ZNF563: variants seen among roughly 807,000 people sequenced by gnomAD.
The protein encoded by ZNF563 is zinc finger protein 563.
In ZNF563, 39 loss-of-function variants were observed where a neutral mutation model predicts 48.5. The ratio of observed to expected loss-of-function variants is 0.80; its 90% CI spans 0.62 to 1.05. ZNF563 has a LOEUF of 1.05. Among genes scored for constraint, ZNF563 ranks in the 50% least tolerant of loss-of-function variants. The pLI is 0.00. For missense variants in ZNF563, 538 were observed against 597.0 expected (o/e 0.90, Z 1.03); for synonymous variants, 168 against 187.9 (o/e 0.89, Z 0.87).
At chr19:12,332,279 G>A (rs1036457644) in intron 1 of ZNF563, among the ~76,000 whole-genome samples, 1 of 151,744 alleles carries the variant, frequency 6.6e-6, no homozygotes, top group Non-Finnish European at 1.5e-5. Context: ...CTATCTTCAT[G>A]TGCAGAGAAT....
rs868091481 is a variant in ZNF563 at position 12,319,067 on chromosome 19, G to A, written c.958C>T (p.His320Tyr). The change falls in exon 4 of 4, where the codon CAT becomes TAT. Residue 320 changes from histidine (H) to tyrosine (Y), a missense_variant. By Grantham distance (83) the His-to-Tyr change is moderately conservative. Transcript: ENST00000293725. ...ECKQCGKTFH[H>Y]LGSFQIHMKR... Reference sequence around the variant, plus strand: ...ATGTGTATCTGAAAGCTTCCAAGATGATGAAATGTTTTCCCGCATTGCTTA... The same window carrying A: ...ATGTGTATCTGAAAGCTTCCAAGATAATGAAATGTTTTCCCGCATTGCTTA... The A allele has an allele frequency of 5.0e-6, 8 of 1,614,128 alleles. No individual in the cohort carries two copies. The highest frequency in any genetic ancestry group is 1.7e-5 in the Admixed American group (1 of 60,006).
At chr19:12,319,894 G>T in intron 3 of ZNF563, 61 bp from the exon 4 acceptor site, 5 of 1,431,456 alleles carry the variant, frequency 3.5e-6, no homozygotes, top group South Asian at 1.4e-5. Context: ...TTATTTATGT[G>T]TATTAATAGG....
At chr19:12,345,790 T>C in the ZNF563 span, among the ~76,000 whole-genome samples, 1 of 152,034 alleles carries the variant, frequency 6.6e-6, no homozygotes, top group African/African-American at 2.4e-5. Flanking sequence ...TGGGTGCCTA[T>C]AATCCCAGCT....
chr19:12,322,818 C>T, intron 1 of ZNF563, 107 bp from the exon 2 acceptor site: 1 of 1,222,194 alleles, frequency 8.2e-7, no homozygotes. Flanking sequence ...AGCATTTATT[C>T]AATGATGTAG....
rs1403353788 is a variant in ZNF563, at chr19:12,318,556, G to A, written c.*38C>T. ...TGTAAGTTTATTCATGATATCAAAGGGAACTGGAAATATAGAAGGCTTTAT... is the reference window on the plus strand; with the variant it reads ...TGTAAGTTTATTCATGATATCAAAGAGAACTGGAAATATAGAAGGCTTTAT... On this transcript the variant is annotated 3_prime_UTR_variant, in exon 4 of 4. Transcript: ENST00000293725. The A allele has an allele frequency of 3.8e-6, 6 of 1,569,890 alleles. No individual in the cohort carries two copies. The highest frequency in any genetic ancestry group is 1.4e-5 in the African/African-American group (1 of 73,224).
rs780711852 is a variant in ZNF563 at position 12,319,707 on chromosome 19, A to G, written c.318T>C (p.Ala106=). The G allele has an allele frequency of 1.2e-6, 2 of 1,614,154 alleles. No individual in the cohort carries two copies. Among genetic ancestry groups the G allele is most frequent in the Non-Finnish European group, 1.7e-6 (2 of 1,180,032 alleles). Residue 106 remains alanine (A), a synonymous_variant, in exon 4 of 4, where the codon GCT becomes GCC. Coordinates refer to ENST00000293725, the MANE Select transcript of ZNF563 (RefSeq NM_145276.3). ...GACCCATTATGACTTCTTCACACTCAGCGCTTTGACATGGATCTTCTCCAG... is the reference window on the plus strand; with the variant it reads ...GACCCATTATGACTTCTTCACACTCGGCGCTTTGACATGGATCTTCTCCAG... ...ICPGEDPCQS[A]ECEEVIMGHL... is the part of the protein sequence containing the mutation.
At chr19:12,336,409 G>A (rs1183121040), upstream of ZNF563, among the ~76,000 whole-genome samples, 1 of 151,932 alleles carries the variant, frequency 6.6e-6, no homozygotes, top group East Asian at 1.9e-4. Context: ...TGACCAACAT[G>A]GTGAAACCCC....
the ZNF563 span, among the ~76,000 whole-genome samples, chr19:12,343,694 A>G: frequency 2.6e-5 from 4 of 151,914 alleles, no homozygotes; most frequent in African/African-American, 9.6e-5. Flanking sequence ...AAGACTACAG[A>G]ATATCTTTTA....
Position 12,326,963 on chromosome 19 carries a change from GA to G in ZNF563, c.4-4253del, listed in dbSNP as rs544027214. On this transcript the variant is annotated intron_variant, in intron 1 of 3. Transcript: ENST00000293725. ...AAATGAATGACAGTGATGATTCATGGAATGAAAGGAAGAAGTTTCAAACAGT... is the reference window on the plus strand; with the variant it reads ...AAATGAATGACAGTGATGATTCATGGATGAAAGGAAGAAGTTTCAAACAGT... Among the ~76,000 whole-genome samples, 25 of 152,252 alleles carry G rather than the reference GA, an allele frequency of 1.6e-4. No homozygotes were observed. The East Asian group carries it at 4.8e-3, about 29-fold the overall frequency.
In ZNF563 at chr19:12,319,315, T is replaced by C. The variant is rs1568472351; in HGVS notation, c.710A>G (p.Tyr237Cys). The change falls in exon 4 of 4, where the codon TAC (tyrosine) becomes TGC (cysteine). Residue 237 changes from tyrosine (Y) to cysteine (C), a missense_variant. Transcript: ENST00000293725. ...CKQCSKAFPFYSSYRRHERMH... is the reference protein window; with the variant it reads ...CKQCSKAFPFCSSYRRHERMH... ...TCTCTCATGTCTTCGATAGGAACTG[T>C]AAAAAGGAAAGGCTTTAGAACACTG... 2.5e-6 allele frequency: 4 copies of C among 1,613,348 alleles called. No individual in the cohort carries two copies. Among genetic ancestry groups the C allele is most frequent in the Non-Finnish European group, 3.4e-6 (4 of 1,179,828 alleles).
At chr19:12,329,190 C>A (rs1968864042) in intron 1 of ZNF563, among the ~76,000 whole-genome samples, 2 of 152,070 alleles carry the variant, frequency 1.3e-5, no homozygotes, top group Admixed American at 1.3e-4. Context: ...AAAACATCAA[C>A]AGGCTGGGCG....
Position 12,317,619 on chromosome 19 carries a change from G to C in ZNF563, c.*975C>G, listed in dbSNP as rs1414952390. 2.0e-5 allele frequency: 3 copies of C among 151,936 alleles called. No homozygotes were observed. The highest frequency in any genetic ancestry group is 7.3e-5 in the African/African-American group (3 of 41,338). The allele number at this position is 151,936 out of a possible 1,614,324, so 9.4% of individuals were successfully genotyped here. ...CCTGCCTCAGCCTCCTGAGTAGCTG[G>C]GATTACAGGCATGTGCCATCACATC... On this transcript the variant is annotated 3_prime_UTR_variant, in exon 4 of 4. Transcript: ENST00000293725.
upstream of ZNF563, among the ~76,000 whole-genome samples, chr19:12,336,071 T>C (rs1969017794): frequency 6.6e-6 from 1 of 152,206 alleles, no homozygotes; most frequent in Non-Finnish European, 1.5e-5. Context: ...TCAATTCCAC[T>C]GTTTGAATAA....
intron 1 of ZNF563, among the ~76,000 whole-genome samples, chr19:12,333,073 G>A (rs1343020337): frequency 6.6e-6 from 1 of 152,124 alleles, no homozygotes; most frequent in East Asian, 1.9e-4. Context: ...AGACTCAGAG[G>A]GACACCGGTC....
chr19:12,345,524 C>G, the ZNF563 span, among the ~76,000 whole-genome samples: 1 of 152,250 alleles, frequency 6.6e-6, no homozygotes, highest in East Asian at 1.9e-4. Context: ...AACTGGATAT[C>G]TACATGCAAA....
At chr19:12,328,630 C>A (rs1037587457) in intron 1 of ZNF563, among the ~76,000 whole-genome samples, 1 of 152,022 alleles carries the variant, frequency 6.6e-6, no homozygotes, top group Non-Finnish European at 1.5e-5. Flanking sequence ...AATAGCCGGG[C>A]ATGGTGGCAC....
At chr19:12,327,210 C>T (rs1968815746) in intron 1 of ZNF563, among the ~76,000 whole-genome samples, 1 of 151,832 alleles carries the variant, frequency 6.6e-6, no homozygotes, top group Non-Finnish European at 1.5e-5. Flanking sequence ...GCCTGTAATC[C>T]CAGTACTTTG....
rs1428017134 is a variant in ZNF563, at chr19:12,317,647, G to A, written c.*947C>T. On this transcript the variant is annotated 3_prime_UTR_variant, in exon 4 of 4. Transcript: ENST00000293725. ...TTACAGGCATGTGCCATCACATCCGGGTAATTTTGTACCAAATATGTCATT... is the reference window on the plus strand; with the variant it reads ...TTACAGGCATGTGCCATCACATCCGAGTAATTTTGTACCAAATATGTCATT... The A allele has an allele frequency of 1.3e-5, 2 of 151,958 alleles. No homozygotes were observed. The highest frequency in any genetic ancestry group is 2.9e-5 in the Non-Finnish European group (2 of 68,018). The allele number at this position is 151,958 out of a possible 1,614,324, so 9.4% of individuals were successfully genotyped here.
chr19:12,343,880 A>G, the ZNF563 span, among the ~76,000 whole-genome samples: 19 of 151,422 alleles, frequency 1.3e-4, no homozygotes, highest in Non-Finnish European at 2.4e-4. Flanking sequence ...ACAGGCACCC[A>G]CCACCACGCC....
Sources: allele counts gnomAD v4.1 joint callset (sites outside exome capture counted in the v4.1 genomes callset), GRCh38; gene constraint gnomAD v4.1.1; transcripts MANE v1.5; gene names NCBI Gene and HGNC (gene_info 2026-07-23, HGNC 2026-07-21).